Variants in LRRC28 observed in about 807,000 individuals in gnomAD.
LRRC28 encodes leucine-rich repeat-containing protein 28.
A neutral mutation model predicts 45.7 loss-of-function variants in LRRC28; 39 were observed. The ratio of observed to expected loss-of-function variants is 0.85; its 90% CI spans 0.66 to 1.12. The LOEUF (loss-of-function observed/expected upper bound fraction) is 1.12, where lower values mean the gene tolerates loss of function less well. LRRC28 is among the 50% of genes most tolerant of loss of function. LRRC28 has a pLI of 0.00. For missense variants in LRRC28, 435 were observed against 438.5 expected (o/e 0.99, Z 0.07); for synonymous variants, 206 against 178.8 (o/e 1.15, Z -1.22).
intron 5 of LRRC28, among the ~76,000 whole-genome samples, chr15:99,329,152 A>G (rs1185717080): frequency 6.6e-6 from 1 of 152,216 alleles, no homozygotes. Flanking sequence ...TTCTCTTGCA[A>G]AAACGCTGAG....
At chr15:99,314,086 G>A (rs572465110) in intron 5 of LRRC28, among the ~76,000 whole-genome samples, 1 of 152,144 alleles carries the variant, frequency 6.6e-6, no homozygotes, top group Non-Finnish European at 1.5e-5. Context: ...ACTTCGCTGA[G>A]TTTGTCACAT....
intron 5 of LRRC28, among the ~76,000 whole-genome samples, chr15:99,298,862 C>A (rs2082329744): frequency 6.6e-6 from 1 of 152,090 alleles, no homozygotes; most frequent in Non-Finnish European, 1.5e-5. Context: ...ACATGTGCCA[C>A]CACACCCAGC....
rs202245431 is a variant in LRRC28, at chr15:99,352,427, A to T, written c.651A>T (p.Lys217Asn). The change falls in exon 7 of 10, where the codon AAA becomes AAT. Residue 217 changes from lysine (K) to asparagine (N), a missense_variant. Coordinates refer to ENST00000301981, the MANE Select transcript of LRRC28 (RefSeq NM_144598.5). ...ACGTGGATAACAACATTCACCTGAA[A>T]GGCTTGCCATCTTATCTGTACAATA... ...YVYVDNNIHL[K>N]GLPSYLYNKV... 8 of 1,614,006 alleles carry T rather than the reference A, an allele frequency of 5.0e-6. No individual in the cohort carries two copies. Among genetic ancestry groups the T allele is most frequent in the Admixed American group, 3.3e-5 (2 of 60,014 alleles).
intron 2 of LRRC28, chr15:99,258,222 C>T: frequency 1.2e-6 from 2 of 1,604,026 alleles, no homozygotes; most frequent in Non-Finnish European, 1.7e-6. Context: ...AGTTTCTATT[C>T]CATCTTCCTT....
At chr15:99,343,685 G>A (rs914984511) in intron 6 of LRRC28, among the ~76,000 whole-genome samples, 8 of 152,122 alleles carry the variant, frequency 5.3e-5, no homozygotes, top group Non-Finnish European at 1.0e-4. Flanking sequence ...AAATATTATT[G>A]CGTGATGTAT....
intron 9 of LRRC28, among the ~76,000 whole-genome samples, chr15:99,382,203 C>T (rs781234020): frequency 8.5e-5 from 13 of 152,212 alleles, no homozygotes; most frequent in South Asian, 2.1e-4. Flanking sequence ...CTGGCTGCTT[C>T]GTTTACCTAC....
intron 9 of LRRC28, among the ~76,000 whole-genome samples, chr15:99,373,696 G>C (rs1957547152): frequency 1.3e-5 from 2 of 152,092 alleles, no homozygotes; most frequent in Non-Finnish European, 2.9e-5. Flanking sequence ...TAATGCAAAA[G>C]TATCTAATAA....
At chr15:99,282,766 C>G (rs1310817047) in intron 3 of LRRC28, among the ~76,000 whole-genome samples, 1 of 152,152 alleles carries the variant, frequency 6.6e-6, no homozygotes, top group African/African-American at 2.4e-5. Context: ...AGAACATATC[C>G]CAGTCATTAA....
rs377502853 is a variant in LRRC28 at position 99,292,450 on chromosome 15, C to T, written c.385+4499C>T. Among the ~76,000 whole-genome samples, 12 of 149,992 alleles carry T rather than the reference C, an allele frequency of 8.0e-5. No homozygotes were observed. In the South Asian group the frequency reaches 1.3e-3, roughly 16 times the overall value. ...TGCAATCTCGGCTCACTGCAAGCTC[C>T]GCTTCCCGGGTTCATGCCATTCTCC... On this transcript the variant is annotated intron_variant, in intron 5 of 9. Transcript: ENST00000301981.
At chr15:99,377,438 G>A (rs7180005) in intron 9 of LRRC28, among the ~76,000 whole-genome samples, 53,999 of 151,994 alleles carry the variant, frequency 0.36, 10,554 homozygotes, top group African/African-American at 0.53. Context: ...GATTCTGGAT[G>A]TTAGCCCTTT....
intron 5 of LRRC28, among the ~76,000 whole-genome samples, chr15:99,304,688 C>G (rs1436582682): frequency 6.6e-6 from 1 of 152,010 alleles, no homozygotes; most frequent in African/African-American, 2.4e-5. Context: ...CTCAAGTGAC[C>G]CACCTGCCTG....
chr15:99,370,066 G>A (rs142525926), intron 9 of LRRC28, among the ~76,000 whole-genome samples: 250 of 152,282 alleles, frequency 1.6e-3, no homozygotes, highest in African/African-American at 4.8e-3. Flanking sequence ...AGTCATATGC[G>A]TATGGTCCAA....
intron 2 of LRRC28, 47 bp from the exon 3 acceptor site, chr15:99,276,527 TTA>T (rs2081620908): frequency 7.0e-7 from 1 of 1,429,164 alleles, no homozygotes; most frequent in African/African-American, 1.5e-5. Flanking sequence ...TTAGAAATGT[TTA>T]GACATTTTTC....
chr15:99,387,278 T>C lies in LRRC28; in HGVS notation c.*1176T>C, dbSNP rs1440545252. 1 of 151,824 alleles carries C rather than the reference T, an allele frequency of 6.6e-6. No homozygotes were observed. The highest frequency in any genetic ancestry group is 2.4e-5 in the African/African-American group (1 of 41,314). The allele number at this position is 151,824 out of a possible 1,614,324, so 9.4% of individuals were successfully genotyped here. A position where few individuals can be genotyped will look rare whatever the true frequency, so the allele number is the denominator to read the frequency against. Reference sequence around the variant, plus strand: ...GGTTTCACCGTGTTAGCCGGGATGGTCTCGATCTCCTGACCTCGTGATCCG... The same window carrying C: ...GGTTTCACCGTGTTAGCCGGGATGGCCTCGATCTCCTGACCTCGTGATCCG... On this transcript the variant is annotated 3_prime_UTR_variant, in exon 10 of 10. Coordinates refer to ENST00000301981, the MANE Select transcript of LRRC28 (RefSeq NM_144598.5).
intron 5 of LRRC28, among the ~76,000 whole-genome samples, chr15:99,329,180 G>A (rs898583720): frequency 3.9e-5 from 6 of 152,120 alleles, no homozygotes; most frequent in African/African-American, 1.4e-4. Flanking sequence ...AAGTGTATGA[G>A]GCTACTTAAT....
chr15:99,258,049 C>T, intron 2 of LRRC28: 2 of 1,350,852 alleles, frequency 1.5e-6, no homozygotes, highest in Non-Finnish European at 1.1e-6. Context: ...AGGTGAAGAA[C>T]CTACTGCATG....
chr15:99,258,322 T>C, intron 2 of LRRC28: 1 of 1,489,498 alleles, frequency 6.7e-7, no homozygotes, highest in East Asian at 2.3e-5. Context: ...CTGTAATTGC[T>C]GACCCAAGAG....
chr15:99,334,937 A>G (rs1195621123), intron 6 of LRRC28, among the ~76,000 whole-genome samples: 6 of 152,212 alleles, frequency 3.9e-5, no homozygotes, highest in East Asian at 1.9e-4. Flanking sequence ...AGATAATACA[A>G]TGCACATATT....
chr15:99,334,311 G>A (rs1956250899), intron 6 of LRRC28, among the ~76,000 whole-genome samples, 182 bp downstream of exon 6: 3 of 152,084 alleles, frequency 2.0e-5, no homozygotes, highest in Admixed American at 2.0e-4. Context: ...ATTTCAGTGA[G>A]GGATTTTATA....
Sources: allele counts gnomAD v4.1 joint callset (sites outside exome capture counted in the v4.1 genomes callset), GRCh38; gene constraint gnomAD v4.1.1; transcripts MANE v1.5; gene names NCBI Gene and HGNC (gene_info 2026-07-23, HGNC 2026-07-21).